PDSS2: variants seen among roughly 807,000 people sequenced by gnomAD.
PDSS2 encodes all trans-polyprenyl-diphosphate synthase PDSS2.
PDSS2 carries 31 observed loss-of-function variants against 44.5 expected under a neutral mutation model. The ratio of observed to expected loss-of-function variants is 0.70; its 90% confidence interval spans 0.52 to 0.94. The LOEUF (loss-of-function observed/expected upper bound fraction) is 0.94, where lower values mean the gene tolerates loss of function less well. PDSS2 is among the 40% of genes least tolerant of loss of function. The pLI, the probability that PDSS2 is intolerant of heterozygous loss-of-function variation, is 0.00. For missense variants in PDSS2, 452 were observed against 482.2 expected, an observed-to-expected ratio of 0.94 and a Z score of 0.59; for synonymous variants, 157 against 180.3, an observed-to-expected ratio of 0.87 and a Z score of 1.03.
intron 1 of PDSS2, among the ~76,000 whole-genome samples, chr6:107,396,519 T>A (rs1408726685): frequency 6.6e-6 from 1 of 152,158 alleles, no homozygotes; most frequent in Non-Finnish European, 1.5e-5. Flanking sequence ...TATAGAGAAA[T>A]GGCAATTCTA....
intron 7 of PDSS2, among the ~76,000 whole-genome samples, chr6:107,170,031 A>C (rs1331417470): frequency 6.6e-6 from 1 of 152,202 alleles, no homozygotes; most frequent in Non-Finnish European, 1.5e-5. Context: ...TTAAGTCTCC[A>C]GAGGTTTCTG....
At chr6:107,417,622 C>A (rs1051035440) in intron 1 of PDSS2, among the ~76,000 whole-genome samples, 1 of 151,860 alleles carries the variant, frequency 6.6e-6, no homozygotes, top group South Asian at 2.1e-4. Flanking sequence ...TAGCTGGGCA[C>A]GGTGGCGCAG....
At chr6:107,243,327 G>A (rs1367111111) in intron 4 of PDSS2, among the ~76,000 whole-genome samples, 1 of 152,174 alleles carries the variant, frequency 6.6e-6, no homozygotes, top group Non-Finnish European at 1.5e-5. Flanking sequence ...TACAAAGAAA[G>A]TATAAGCAAA....
intron 2 of PDSS2, among the ~76,000 whole-genome samples, chr6:107,326,713 G>A (rs1186837348): frequency 2.0e-5 from 3 of 151,802 alleles, no homozygotes; most frequent in African/African-American, 7.3e-5. Context: ...TTAGCCAGGC[G>A]TGGTGGTGCA....
intron 7 of PDSS2, among the ~76,000 whole-genome samples, chr6:107,189,536 C>T (rs966437771): frequency 5.9e-5 from 9 of 152,108 alleles, no homozygotes; most frequent in Non-Finnish European, 1.0e-4. Flanking sequence ...CGGGGTTTCA[C>T]CATGTTGATC....
rs186025505 is a variant in PDSS2, at chr6:107,315,099, A to T, written c.431+19099T>A. 3.1e-3 allele frequency among the ~76,000 whole-genome samples: 475 copies of T among 152,282 alleles called. 1 individual carries two copies. The highest frequency in any genetic ancestry group is 4.6e-3 in the Non-Finnish European group (312 of 68,004). ...GTCATTATATATAATTTTTAAATAAATTTACCAATTACTCTAAATACTTAT... is the reference window on the plus strand; with the variant it reads ...GTCATTATATATAATTTTTAAATAATTTTACCAATTACTCTAAATACTTAT... On this transcript the variant is annotated intron_variant, in intron 2 of 7. Coordinates refer to ENST00000369037, the MANE Select transcript of PDSS2 (RefSeq NM_020381.4).
chr6:107,231,778 A>G (rs1774058040), intron 4 of PDSS2, among the ~76,000 whole-genome samples: 1 of 152,170 alleles, frequency 6.6e-6, no homozygotes, highest in South Asian at 2.1e-4. Context: ...GCTGACCAAC[A>G]TGGTGAAACC....
intron 7 of PDSS2, among the ~76,000 whole-genome samples, chr6:107,185,725 G>C (rs1772143145): frequency 6.6e-6 from 1 of 152,166 alleles, no homozygotes; most frequent in African/African-American, 2.4e-5. Context: ...TGTGGTCCGA[G>C]AGCCTTCTCC....
intron 1 of PDSS2, among the ~76,000 whole-genome samples, chr6:107,417,704 G>C (rs954601875): frequency 1.3e-5 from 2 of 151,912 alleles, no homozygotes; most frequent in African/African-American, 4.8e-5. Flanking sequence ...GGTTGCAGTT[G>C]AGCTGAGATC....
chr6:107,290,626 A>G (rs776289106), intron 2 of PDSS2, among the ~76,000 whole-genome samples: 4 of 151,954 alleles, frequency 2.6e-5, no homozygotes, highest in Admixed American at 6.6e-5. Context: ...TGCCAAGCCT[A>G]TTCTTGCCTC....
Position 107,274,199 on chromosome 6 carries a change from G to C in PDSS2, c.460C>G (p.Leu154Val). Residue 154 changes from leucine (L) to valine (V), a missense_variant, in exon 3 of 8, where the codon CTA (leucine) becomes GTA (valine). Leu to Val is a conservative substitution (Grantham distance 32). Transcript: ENST00000369037. ...CQRSLAEITE[L>V]IHIALLVHRG... ...TGTACAAGGAGAGCAATATGAATTA[G>C]CTCCGTGATCTCTGCCAAACTTCTT... 3 of 1,613,776 alleles carry C rather than the reference G, an allele frequency of 1.9e-6. No homozygotes were observed. The highest frequency in any genetic ancestry group is 2.5e-6 in the Non-Finnish European group (3 of 1,179,678).
chr6:107,212,625 A>C (rs1773259971), intron 4 of PDSS2, among the ~76,000 whole-genome samples: 1 of 152,218 alleles, frequency 6.6e-6, no homozygotes, highest in Admixed American at 6.5e-5. Flanking sequence ...AAGTGCTGGT[A>C]TTAAGCACAA....
At chr6:107,255,651 T>C (rs906242098) in intron 3 of PDSS2, among the ~76,000 whole-genome samples, 2 of 151,656 alleles carry the variant, frequency 1.3e-5, no homozygotes, top group African/African-American at 2.4e-5. Flanking sequence ...ACTAAATTGA[T>C]TTCACCACTC....
intron 2 of PDSS2, among the ~76,000 whole-genome samples, chr6:107,316,043 TA>T (rs1221406421): frequency 1.3e-5 from 2 of 152,150 alleles, no homozygotes; most frequent in Non-Finnish European, 2.9e-5. Context: ...TGGATCATGT[TA>T]AAAAAATAAA....
intron 2 of PDSS2, among the ~76,000 whole-genome samples, chr6:107,284,238 TA>T (rs1450676824): frequency 1.3e-5 from 2 of 152,094 alleles, no homozygotes; most frequent in African/African-American, 4.8e-5. Context: ...TTAGAAATAA[TA>T]AATATTTACA....
intron 1 of PDSS2, among the ~76,000 whole-genome samples, chr6:107,400,644 T>C (rs1020329887): frequency 6.6e-6 from 1 of 152,164 alleles, no homozygotes; most frequent in African/African-American, 2.4e-5. Context: ...CACTACCACG[T>C]GCTAAGCTGT....
intron 1 of PDSS2, among the ~76,000 whole-genome samples, chr6:107,454,681 C>T (rs1438746010): frequency 2.6e-5 from 4 of 151,328 alleles, no homozygotes; most frequent in Admixed American, 6.6e-5. Context: ...TCACCATTCA[C>T]GTAAACTTTA....
intron 1 of PDSS2, among the ~76,000 whole-genome samples, chr6:107,373,848 C>T (rs139110943): frequency 6.6e-6 from 1 of 152,308 alleles, no homozygotes; most frequent in East Asian, 1.9e-4. Flanking sequence ...GCATGGCCCT[C>T]TGCTCCATTT....
At chr6:107,338,919 C>T (rs1156639179) in intron 1 of PDSS2, among the ~76,000 whole-genome samples, 1 of 151,796 alleles carries the variant, frequency 6.6e-6, no homozygotes, top group African/African-American at 2.4e-5. Flanking sequence ...GAGACAGGGT[C>T]TTGCTATATT....
Sources: gnomAD v4.1 joint callset for allele counts (sites outside exome capture counted in the v4.1 genomes callset) on GRCh38, gnomAD v4.1.1 for gene constraint, MANE v1.5 for transcripts, NCBI Gene and HGNC (gene_info 2026-07-23, HGNC 2026-07-21) for gene names.